CACNA1B: variants seen among roughly 807,000 people sequenced by gnomAD.
CACNA1B encodes the protein calcium voltage-gated channel subunit alpha1 B, also known as voltage-dependent N-type calcium channel subunit alpha-1B.
Under a neutral mutation model 247.2 loss-of-function variants are expected in CACNA1B, and 70 were observed. The observed-to-expected ratio is 0.28, with a 90% CI of 0.23 to 0.35. The LOEUF is 0.35. Among genes scored for constraint, CACNA1B ranks in the 10% least tolerant of loss-of-function variants. The pLI is 1.00. For missense variants in CACNA1B, 2,367 were observed against 3,197.4 expected (o/e 0.74, Z 6.26); for synonymous variants, 1,231 against 1,294.4 (o/e 0.95, Z 1.05).
chr9:138,013,743 C>T (rs894505423), intron 18 of CACNA1B, among the ~76,000 whole-genome samples: 3 of 152,282 alleles, frequency 2.0e-5, no homozygotes, highest in African/African-American at 7.2e-5. Flanking sequence ...TCCATAGAAC[C>T]ATATTTGGAG....
Position 138,107,545 on chromosome 9 carries a change from T to A in CACNA1B, c.5428+1738T>A, listed in dbSNP as rs544426285. 2.4e-4 allele frequency among the ~76,000 whole-genome samples: 36 copies of A among 152,186 alleles called. 1 individual carries two copies. Among genetic ancestry groups the A allele is most frequent in the African/African-American group, 8.0e-4 (33 of 41,508 alleles). On this transcript the variant is annotated intron_variant, in intron 39 of 46. Coordinates refer to ENST00000371372, the MANE Select transcript of CACNA1B (RefSeq NM_000718.4). ...TTCTTGACTCTGTCTTTAAAATATA[T>A]CCAAAATGTGGCCACTCCTCTCCCT...
intron 6 of CACNA1B, among the ~76,000 whole-genome samples, chr9:137,921,656 C>T (rs1380289999): frequency 1.4e-5 from 2 of 145,012 alleles, no homozygotes; most frequent in African/African-American, 5.4e-5. Flanking sequence ...GCACCACGAC[C>T]GCACAGCATC....
chr9:137,881,682 T>C lies in CACNA1B; in HGVS notation c.391-1062T>C, dbSNP rs1415470990. Among the ~76,000 whole-genome samples, 1 of 152,194 alleles carries C rather than the reference T, an allele frequency of 6.6e-6. No individual in the cohort carries two copies. Among genetic ancestry groups the C allele is most frequent in the African/African-American group, 2.4e-5 (1 of 41,456 alleles). On this transcript the variant is annotated intron_variant, in intron 2 of 46. Transcript: ENST00000371372. The surrounding 1 kb of genome is among the most constrained non-coding windows in gnomAD (Gnocchi z 4.3). ...GCTTGCCTTGCACAGGGCCTTTCCC[T>C]GCCAGCCCCACGCGTGTGCTCACGA...
At chr9:138,079,700 G>A (rs528415184) in intron 36 of CACNA1B, among the ~76,000 whole-genome samples, 2 of 137,338 alleles carry the variant, frequency 1.5e-5, no homozygotes, top group Non-Finnish European at 1.5e-5. Flanking sequence ...CCGAGATCGC[G>A]CCATTGTACT....
At position 138,102,827 on chromosome 9, in the gene CACNA1B, C is replaced by A. The variant is rs201060699; in HGVS notation, c.5319+20C>A. 6 of 1,522,472 alleles carry A rather than the reference C, an allele frequency of 3.9e-6. No homozygotes were observed. Among genetic ancestry groups the A allele is most frequent in the Non-Finnish European group, 4.5e-6 (5 of 1,100,882 alleles). The allele number at this position is 1,522,472 out of a possible 1,614,324, so 94.3% of individuals were successfully genotyped here. On this transcript the variant is annotated intron_variant, in intron 38 of 46. Transcript: ENST00000371372. The surrounding 1 kb of genome is among the most constrained non-coding windows in gnomAD (Gnocchi z 5.4). ...TACAAGGTAGACCCTGACCCTGCAA[C>A]CCGCCCCCCAGGAGGCTGTGTGTGC...
rs199695500 is a variant in CACNA1B, at chr9:138,105,731, C to A, written c.5352C>A (p.Asn1784Lys). The A allele has an allele frequency of 4.5e-6, 7 of 1,564,220 alleles. 1 individual carries two copies. The Admixed American group carries it at 9.4e-5, about 21-fold the overall frequency. ...TTCGCATGAACATGCCCATCTCCAACGAGGACATGACTGTTCACTTCACGT... is the reference window on the plus strand; with the variant it reads ...TTCGCATGAACATGCCCATCTCCAAAGAGGACATGACTGTTCACTTCACGT... Reference protein sequence around the residue: ...RLVRMNMPISNEDMTVHFTST... With the variant: ...RLVRMNMPISKEDMTVHFTST... The change falls in exon 39 of 47, where the codon AAC becomes AAA. Residue 1784 changes from asparagine to lysine, a missense_variant. This residue lies in a region of CACNA1B where 773 missense variants were observed against 779.4 expected (regional missense o/e 0.99). Coordinates refer to ENST00000371372, the MANE Select transcript of CACNA1B (RefSeq NM_000718.4).
chr9:138,046,131 A>G (rs1959183771), intron 21 of CACNA1B, among the ~76,000 whole-genome samples: 1 of 152,008 alleles, frequency 6.6e-6, no homozygotes, highest in Admixed American at 6.5e-5. Flanking sequence ...CTGCTTGTTG[A>G]TTTCCTCGCT....
Position 138,085,731 on chromosome 9 carries a change from G to T in CACNA1B, c.5094+7473G>T, listed in dbSNP as rs936668246. Among the ~76,000 whole-genome samples, 118 of 151,416 alleles carry T rather than the reference G, an allele frequency of 7.8e-4. 1 individual carries two copies. Among genetic ancestry groups the T allele is most frequent in the Non-Finnish European group, 2.1e-4 (14 of 68,018 alleles). ...AGACCAGGAGAGAATGGAATGGAAT[G>T]GTATATTCAGAGTGGTAAAAGGAAA... On this transcript the variant is annotated intron_variant, in intron 36 of 46. Coordinates refer to ENST00000371372, the MANE Select transcript of CACNA1B (RefSeq NM_000718.4).
At position 137,973,568 on chromosome 9, in the gene CACNA1B, C is replaced by T. The variant is rs1958182142; in HGVS notation, c.1543+1976C>T. Reference sequence around the variant, plus strand: ...TATGCAGCTCACCAGACTTGCTCACCCTCCCTCTGCTCCCATAGCACACCA... The same window carrying T: ...TATGCAGCTCACCAGACTTGCTCACTCTCCCTCTGCTCCCATAGCACACCA... On this transcript the variant is annotated intron_variant, in intron 11 of 46. Coordinates refer to ENST00000371372, the MANE Select transcript of CACNA1B (RefSeq NM_000718.4). This position sits in a 1 kb window ranked among gnomAD's most constrained non-coding sequence, Gnocchi z 4.1. 6.6e-6 allele frequency among the ~76,000 whole-genome samples: 1 copy of T among 152,170 alleles called. No homozygotes were observed.
intron 10 of CACNA1B, among the ~76,000 whole-genome samples, chr9:137,961,052 GTTGT>G (rs1958016007): frequency 6.6e-6 from 1 of 151,956 alleles, no homozygotes; most frequent in African/African-American, 2.4e-5. Flanking sequence ...TTTTAATGGG[GTTGT>G]TTGTTCTCTC....
At chr9:138,066,476 G>C (rs1959919556) in intron 31 of CACNA1B, among the ~76,000 whole-genome samples, 1 of 152,122 alleles carries the variant, frequency 6.6e-6, no homozygotes, top group Non-Finnish European at 1.5e-5. Context: ...GAGGCAGGGA[G>C]GCAGGAGGAG....
intron 6 of CACNA1B, among the ~76,000 whole-genome samples, chr9:137,933,448 T>C (rs1488346452): frequency 6.6e-6 from 1 of 152,202 alleles, no homozygotes; most frequent in Admixed American, 6.5e-5. Context: ...TACATTTATA[T>C]TGGGCCCCAA....
At chr9:137,886,396 C>T (rs1266746046) in intron 3 of CACNA1B, among the ~76,000 whole-genome samples, 4 of 152,208 alleles carry the variant, frequency 2.6e-5, no homozygotes, top group Non-Finnish European at 4.4e-5. Context: ...TCTGCCTTCC[C>T]GTCCATGCCC....
chr9:137,909,870 A>G (rs916192989), intron 3 of CACNA1B, among the ~76,000 whole-genome samples: 3 of 152,078 alleles, frequency 2.0e-5, no homozygotes, highest in Admixed American at 6.6e-5. Context: ...TCTCGGGTTC[A>G]AGTGATTCTT....
chr9:137,897,139 A>G (rs957426203), intron 3 of CACNA1B, among the ~76,000 whole-genome samples: 1 of 151,052 alleles, frequency 6.6e-6, no homozygotes, highest in Non-Finnish European at 1.5e-5. Context: ...TTACTATTTC[A>G]TTTATTTCTG....
chr9:138,038,541 C>T (rs1959075463), intron 20 of CACNA1B, among the ~76,000 whole-genome samples: 1 of 152,198 alleles, frequency 6.6e-6, no homozygotes, highest in African/African-American at 2.4e-5. Context: ...TTTGCATCCC[C>T]CAAGGTGGCA....
chr9:137,892,891 G>A (rs1293150032), intron 3 of CACNA1B, among the ~76,000 whole-genome samples: 2 of 152,240 alleles, frequency 1.3e-5, no homozygotes, highest in Non-Finnish European at 2.9e-5. Flanking sequence ...TGGGGTGGCC[G>A]CCGTGTTTCC....
rs1959319236 is a variant in CACNA1B at position 138,052,263 on chromosome 9, TATGCATGCAGTGCATGA to T, written c.3807+76_3807+92del. ...GTGTGTGTGTGCGTGTGTGTGTGTGTATGCATGCAGTGCATGAGTGTGTGTGTGTTCACATCACACCC... is the reference window on the plus strand; with the variant it reads ...GTGTGTGTGTGCGTGTGTGTGTGTGTGTGTGTGTGTGTTCACATCACACCC... On this transcript the variant is annotated intron_variant, in intron 25 of 46. Coordinates refer to ENST00000371372, the MANE Select transcript of CACNA1B (RefSeq NM_000718.4). The surrounding 1 kb of genome is among the most constrained non-coding windows in gnomAD (Gnocchi z 5.1). 1.4e-3 allele frequency: 1,171 copies of T among 811,652 alleles called. No individual in the cohort carries two copies. The highest frequency in any genetic ancestry group is 1.9e-3 in the Non-Finnish European group (907 of 483,644). The allele number at this position is 811,652 out of a possible 1,614,324, so 50.3% of individuals were successfully genotyped here.
rs1372255526 is a variant in CACNA1B at position 137,955,855 on chromosome 9, G to T, written c.1186+42G>T. On this transcript the variant is annotated intron_variant, in intron 8 of 46. Transcript: ENST00000371372. The surrounding 1 kb of genome is among the most constrained non-coding windows in gnomAD (Gnocchi z 6.9). Reference sequence around the variant, plus strand: ...GCCACTGCACTCCTGGCCGGCCACTGTTAGTTCTCTGTCCCCAATTCTGCT... The same window carrying T: ...GCCACTGCACTCCTGGCCGGCCACTTTTAGTTCTCTGTCCCCAATTCTGCT... The T allele has an allele frequency of 7.6e-7, 1 of 1,313,944 alleles. No individual in the cohort carries two copies. The highest frequency in any genetic ancestry group is 1.5e-5 in the African/African-American group (1 of 68,944). The allele number at this position is 1,313,944 out of a possible 1,614,324, so 81.4% of individuals were successfully genotyped here.
Sources: allele counts gnomAD v4.1 joint callset (sites outside exome capture counted in the v4.1 genomes callset), GRCh38; gene constraint gnomAD v4.1.1; regional missense constraint gnomAD v4.1.1; non-coding constraint Gnocchi (gnomAD v3.1); transcripts MANE v1.5; gene names NCBI Gene and HGNC (gene_info 2026-07-23, HGNC 2026-07-21).